The following PLPP1 variants were observed in gnomAD, a reference collection of about 807,000 sequenced individuals.
PLPP1 encodes lipid phosphate phosphohydrolase 1a.
A neutral mutation model predicts 31.2 loss-of-function variants in PLPP1; 24 were observed. The ratio of observed to expected loss-of-function variants is 0.77; its 90% CI spans 0.56 to 1.08. The LOEUF (loss-of-function observed/expected upper bound fraction) is 1.08. Ranked by LOEUF, PLPP1 falls within the 50% of genes least tolerant of loss-of-function variation. The probability of loss-of-function intolerance (pLI) is 0.00; values close to 1 mark genes in which losing one functional copy is unlikely to be tolerated. For synonymous variants in PLPP1, 146 were observed against 126.3 expected, an observed-to-expected ratio of 1.16 and a Z score of -1.05; for missense variants, 319 against 342.7, an observed-to-expected ratio of 0.93 and a Z score of 0.55.
chr5:55,498,513 G>A (rs1343079313), intron 1 of PLPP1, among the ~76,000 whole-genome samples: 2 of 152,054 alleles, frequency 1.3e-5, no homozygotes, highest in East Asian at 3.9e-4. Flanking sequence ...CTAATAACAT[G>A]CCCTGCATAA....
intron 2 of PLPP1, among the ~76,000 whole-genome samples, chr5:55,471,287 C>T (rs905503756): frequency 1.3e-5 from 2 of 151,794 alleles, no homozygotes; most frequent in Admixed American, 6.6e-5. Context: ...CTGCAACCTC[C>T]GCCTCCCAGG....
chr5:55,495,106 G>T (rs1197213445), intron 1 of PLPP1, among the ~76,000 whole-genome samples: 1 of 147,272 alleles, frequency 6.8e-6, no homozygotes, highest in Non-Finnish European at 1.5e-5. Context: ...ACTCCAGCCT[G>T]GGCAACAAGA....
chr5:55,467,865 T>TC lies in PLPP1; in HGVS notation c.491+3dup. The TC allele has an allele frequency of 6.2e-7, 1 of 1,605,362 alleles. No individual in the cohort carries two copies. The highest frequency in any genetic ancestry group is 8.5e-7 in the Non-Finnish European group (1 of 1,175,208). ...TAAACAAGCATTAGCGATTTAACAC[T>TC]CACCTGCCTTCCTTAACTCTTTCTG... is the stretch of plus-strand genomic sequence containing the variant. On this transcript the variant is annotated splice_donor_region_variant and intron_variant, in intron 3 of 5. Transcript: ENST00000307259.
intron 1 of PLPP1, among the ~76,000 whole-genome samples, chr5:55,480,754 A>G (rs1752652131): frequency 6.6e-6 from 1 of 152,222 alleles, no homozygotes; most frequent in Non-Finnish European, 1.5e-5. Context: ...GAACATTCAT[A>G]TACAAGTATT....
chr5:55,430,381 C>T (rs543151674), intron 4 of PLPP1, among the ~76,000 whole-genome samples: 7 of 152,286 alleles, frequency 4.6e-5, no homozygotes, highest in East Asian at 1.9e-4. Context: ...TCCTGGGGCT[C>T]GAGGATGGGC....
intron 1 of PLPP1, among the ~76,000 whole-genome samples, chr5:55,521,593 C>G (rs916293407): frequency 6.6e-6 from 1 of 152,090 alleles, no homozygotes; most frequent in Non-Finnish European, 1.5e-5. Flanking sequence ...CTCTGTGTAC[C>G]TTTTGAGGAT....
intron 3 of PLPP1, among the ~76,000 whole-genome samples, chr5:55,455,566 C>T (rs1362372663): frequency 1.3e-5 from 2 of 152,136 alleles, no homozygotes; most frequent in African/African-American, 4.8e-5. Flanking sequence ...GGCTGTAGTG[C>T]GCTGTGATCG....
intron 1 of PLPP1, among the ~76,000 whole-genome samples, chr5:55,520,546 C>T (rs915089221): frequency 6.6e-6 from 1 of 152,212 alleles, no homozygotes; most frequent in African/African-American, 2.4e-5. Flanking sequence ...TCTAATTTCA[C>T]AGCACTATGA....
intron 3 of PLPP1, among the ~76,000 whole-genome samples, chr5:55,452,519 T>C (rs1751914643): frequency 1.3e-5 from 2 of 152,204 alleles, no homozygotes; most frequent in Admixed American, 1.3e-4. Context: ...TATTCCTTTA[T>C]AGCAATGCAA....
At chr5:55,517,640 A>G (rs1424711285) in intron 1 of PLPP1, among the ~76,000 whole-genome samples, 15 of 152,188 alleles carry the variant, frequency 9.9e-5, no homozygotes, top group African/African-American at 3.6e-4. Flanking sequence ...CAAATTCCCT[A>G]CTTCAGGCAA....
chr5:55,429,987 C>T (rs545614106), intron 4 of PLPP1, among the ~76,000 whole-genome samples: 4 of 152,278 alleles, frequency 2.6e-5, no homozygotes, highest in Admixed American at 6.5e-5. Context: ...TATGCCCAAG[C>T]ACACCATCGG....
intron 4 of PLPP1, among the ~76,000 whole-genome samples, chr5:55,431,922 T>C (rs1454312405): frequency 1.3e-5 from 2 of 152,064 alleles, no homozygotes; most frequent in Non-Finnish European, 2.9e-5. Context: ...AAAGAACATC[T>C]ATCTCCAATC....
chr5:55,467,976 A>G lies in PLPP1; in HGVS notation c.384T>C (p.Pro128=), dbSNP rs1270057907. Residue 128 remains proline, a synonymous_variant, in exon 3 of 6, where the codon CCT becomes CCC. Transcript: ENST00000307259. ...CTGGATCACAAACATCCAAGAAGTG[A>G]GGCCGCAGTCTGCCTATTGAATACT... ...IAKYSIGRLR[P]HFLDVCDPDW... The G allele has an allele frequency of 6.2e-7, 1 of 1,614,220 alleles. No homozygotes were observed. The highest frequency in any genetic ancestry group is 1.7e-5 in the Admixed American group (1 of 60,028).
intron 1 of PLPP1, among the ~76,000 whole-genome samples, chr5:55,486,038 T>C (rs1469289804): frequency 6.6e-6 from 1 of 152,170 alleles, no homozygotes; most frequent in Non-Finnish European, 1.5e-5. Flanking sequence ...GCCAGATTTG[T>C]GTATGAGAAC....
chr5:55,456,586 T>C (rs1291654500), intron 3 of PLPP1, among the ~76,000 whole-genome samples: 1 of 152,190 alleles, frequency 6.6e-6, no homozygotes, highest in East Asian at 1.9e-4. Flanking sequence ...ACTGGATTTT[T>C]TGCATTTTTA....
At chr5:55,457,668 A>G (rs1428264832) in intron 3 of PLPP1, among the ~76,000 whole-genome samples, 1 of 152,194 alleles carries the variant, frequency 6.6e-6, no homozygotes, top group Admixed American at 6.5e-5. Context: ...AGGTGGGCAG[A>G]TCACAAGGTC....
chr5:55,514,461 T>C (rs1753510857), intron 1 of PLPP1, among the ~76,000 whole-genome samples: 1 of 151,710 alleles, frequency 6.6e-6, no homozygotes, highest in Non-Finnish European at 1.5e-5. Context: ...AAAGTTCATA[T>C]CCCCCCACCA....
chr5:55,500,940 T>C (rs769572172), intron 1 of PLPP1, among the ~76,000 whole-genome samples: 2 of 152,230 alleles, frequency 1.3e-5, no homozygotes, highest in Non-Finnish European at 2.9e-5. Flanking sequence ...TAATTAATCA[T>C]AAATTTATCT....
chr5:55,436,116 T>C (rs1340801944), intron 4 of PLPP1, among the ~76,000 whole-genome samples: 2 of 151,984 alleles, frequency 1.3e-5, no homozygotes, highest in African/African-American at 4.8e-5. Context: ...AAGCATCACA[T>C]TGCTCAAAAT....
Sources: gnomAD v4.1 joint callset for allele counts (sites outside exome capture counted in the v4.1 genomes callset) on GRCh38, gnomAD v4.1.1 for gene constraint, MANE v1.5 for transcripts, NCBI Gene and HGNC (gene_info 2026-07-23, HGNC 2026-07-21) for gene names.